Variants in CCDC13 observed in about 807,000 individuals in gnomAD.
The protein encoded by CCDC13 is coiled-coil domain containing 13, also known as coiled-coil domain-containing protein 13.
In CCDC13, 70 loss-of-function variants were observed where a neutral mutation model predicts 87.3. That is an observed-to-expected ratio of 0.80 (90% CI 0.66 to 0.98). The LOEUF is 0.98. Among genes scored for constraint, CCDC13 ranks in the 50% least tolerant of loss-of-function variants. CCDC13 has a pLI of 0.00. For synonymous variants in CCDC13, 317 were observed against 360.3 expected, an observed-to-expected ratio of 0.88 and a Z score of 1.36; for missense variants, 842 against 892.0, an observed-to-expected ratio of 0.94 and a Z score of 0.71.
In CCDC13 at chr3:42,706,735, T is replaced by C. The variant is rs1394491843; in HGVS notation, c.*2245A>G. The C allele has an allele frequency of 6.6e-6, 1 of 152,264 alleles. No homozygotes were observed. The highest frequency in any genetic ancestry group is 2.4e-5 in the African/African-American group (1 of 41,468). The allele number at this position is 152,264 out of a possible 1,614,324, so 9.4% of individuals were successfully genotyped here. A position where few individuals can be genotyped will look rare whatever the true frequency, so the allele number is the denominator to read the frequency against. On this transcript the variant is annotated 3_prime_UTR_variant, in exon 16 of 16. Transcript: ENST00000310232. Reference sequence around the variant, plus strand: ...ACTCTTGTTGAAATCAGTCTATAGATACATGTTCCTTGTACAGAAATAAAC... The same window carrying C: ...ACTCTTGTTGAAATCAGTCTATAGACACATGTTCCTTGTACAGAAATAAAC...
chr3:42,728,112 G>C (rs1217996232), intron 13 of CCDC13, among the ~76,000 whole-genome samples: 1 of 152,250 alleles, frequency 6.6e-6, no homozygotes, highest in Non-Finnish European at 1.5e-5. Flanking sequence ...TTGATAAAAT[G>C]TAAGAAAGAA....
intron 1 of CCDC13, among the ~76,000 whole-genome samples, chr3:42,759,779 T>G (rs1029333439): frequency 6.6e-6 from 1 of 152,224 alleles, no homozygotes; most frequent in African/African-American, 2.4e-5. Context: ...AAGGTATTTG[T>G]GTGAATGTAT....
At chr3:42,719,184 C>T (rs1698500391) in intron 13 of CCDC13, 1 of 152,192 alleles carries the variant, frequency 6.6e-6, no homozygotes, top group African/African-American at 2.4e-5. Flanking sequence ...CAAGATTAGG[C>T]ACGTACAGGA....
At chr3:42,705,753 C>T (rs1267662645), downstream of CCDC13, among the ~76,000 whole-genome samples, 3 of 152,200 alleles carry the variant, frequency 2.0e-5, no homozygotes, top group East Asian at 5.8e-4. Flanking sequence ...CTGGTACTAA[C>T]CTGGACAGAC....
chr3:42,733,399 A>G, intron 11 of CCDC13, 71 bp downstream of exon 11: 3 of 1,575,684 alleles, frequency 1.9e-6, no homozygotes, highest in Non-Finnish European at 2.6e-6. Context: ...CATCAGAGGT[A>G]GCAAGAAACA....
intron 3 of CCDC13, among the ~76,000 whole-genome samples, chr3:42,753,723 A>G (rs1699641194): frequency 6.6e-6 from 1 of 152,154 alleles, no homozygotes; most frequent in South Asian, 2.1e-4. Context: ...GAATGAACTG[A>G]GGGCTCAAAC....
At chr3:42,758,821 C>T (rs1699766923) in intron 1 of CCDC13, among the ~76,000 whole-genome samples, 1 of 152,112 alleles carries the variant, frequency 6.6e-6, no homozygotes, top group African/African-American at 2.4e-5. Context: ...GACCATACGG[C>T]TCAGTGAATC....
chr3:42,730,673 G>C, intron 12 of CCDC13, 84 bp from the exon 13 acceptor site: 1 of 1,553,602 alleles, frequency 6.4e-7, no homozygotes, highest in Non-Finnish European at 8.8e-7. Flanking sequence ...GGAGGGACTA[G>C]AAGGACATTC....
At chr3:42,767,582 T>C (rs996056854) in intron 1 of CCDC13, among the ~76,000 whole-genome samples, 2 of 152,120 alleles carry the variant, frequency 1.3e-5, no homozygotes, top group African/African-American at 4.8e-5. Context: ...TATCGACAAA[T>C]TGATTCCAAA....
At chr3:42,710,743 G>T (rs904393533) in intron 14 of CCDC13, among the ~76,000 whole-genome samples, 4 of 152,202 alleles carry the variant, frequency 2.6e-5, no homozygotes, top group African/African-American at 4.8e-5. Flanking sequence ...CTGTCTCATT[G>T]CTGGGGAGGC....
rs545829821 is a variant in CCDC13 at position 42,748,559 on chromosome 3, G to A, written c.604-1186C>T. On this transcript the variant is annotated intron_variant, in intron 5 of 15. Coordinates refer to ENST00000310232, the MANE Select transcript of CCDC13 (RefSeq NM_144719.4). ...AACAAAATCTCCTCTGAATGCTAGTGTGAAAGACAGATCCAAGTATACTGG... is the reference window on the plus strand; with the variant it reads ...AACAAAATCTCCTCTGAATGCTAGTATGAAAGACAGATCCAAGTATACTGG... Among the ~76,000 whole-genome samples, 325 of 152,350 alleles carry A rather than the reference G, an allele frequency of 2.1e-3. 1 individual carries two copies. The highest frequency in any genetic ancestry group is 3.4e-3 in the Middle Eastern group (1 of 294).
At chr3:42,772,337 A>G (rs1038604584) in intron 1 of CCDC13, among the ~76,000 whole-genome samples, 1 of 151,578 alleles carries the variant, frequency 6.6e-6, no homozygotes, top group African/African-American at 2.4e-5. Flanking sequence ...CATGGAAAGA[A>G]CTCTTGGCTC....
At chr3:42,728,196 T>C (rs339686) in intron 13 of CCDC13, among the ~76,000 whole-genome samples, 123,371 of 152,202 alleles carry the variant, frequency 0.81, 50,534 homozygotes, top group East Asian at 1. Flanking sequence ...GACTTGAGCT[T>C]GGCTCGCCCT....
chr3:42,722,963 A>G (rs1002054537), intron 13 of CCDC13, among the ~76,000 whole-genome samples: 2 of 151,168 alleles, frequency 1.3e-5, no homozygotes, highest in Non-Finnish European at 2.9e-5. Context: ...CGCCCAGCTA[A>G]TTTTCTTGTA....
chr3:42,720,325 T>G (rs57865869), intron 13 of CCDC13, among the ~76,000 whole-genome samples: 1,657 of 152,342 alleles, frequency 0.011, 33 homozygotes, highest in African/African-American at 0.038. Context: ...AAATGCCTCG[T>G]AAAATGCCAT....
chr3:42,738,749 G>A (rs1699112139), intron 9 of CCDC13, among the ~76,000 whole-genome samples: 1 of 152,186 alleles, frequency 6.6e-6, no homozygotes, highest in South Asian at 2.1e-4. Context: ...TGGGATTTTT[G>A]CACATTGATT....
chr3:42,751,572 G>T (rs1699579503), intron 5 of CCDC13, among the ~76,000 whole-genome samples: 1 of 152,236 alleles, frequency 6.6e-6, no homozygotes, highest in African/African-American at 2.4e-5. Context: ...TGAGGATGCT[G>T]TACAGGAGAT....
At position 42,769,840 on chromosome 3, in the gene CCDC13, A is replaced by C. The variant is rs535321221; in HGVS notation, c.-7+3336T>G. 7.2e-4 allele frequency among the ~76,000 whole-genome samples: 109 copies of C among 152,304 alleles called. 1 individual carries two copies. The highest frequency in any genetic ancestry group is 6.8e-3 in the Middle Eastern group (2 of 294). On this transcript the variant is annotated intron_variant, in intron 1 of 15. Coordinates refer to ENST00000310232, the MANE Select transcript of CCDC13 (RefSeq NM_144719.4). ...TGGCCGCAAGCCCCTGGCAGTGAGG[A>C]GCTTAGCACCTGGGCCAGCAGCTGC...
rs533878041 is a variant in CCDC13, at chr3:42,709,559, A to T, written c.1988+125T>A. On this transcript the variant is annotated intron_variant, in intron 15 of 15. Coordinates refer to ENST00000310232, the MANE Select transcript of CCDC13 (RefSeq NM_144719.4). The stretch of plus-strand genomic sequence containing the variant: ...AATTGCAGGCCTAGAACCCAGGACC[A>T]AACAGGACAAGCCTTCTGGGCAAAT... The T allele has an allele frequency of 4.3e-5, 34 of 796,872 alleles. 1 individual carries two copies. In the South Asian group the frequency reaches 5.3e-4, roughly 13 times the overall value. The allele number at this position is 796,872 out of a possible 1,614,324, so 49.4% of individuals were successfully genotyped here. A position where few individuals can be genotyped will look rare whatever the true frequency, so the allele number is the denominator to read the frequency against.
Sources: allele counts gnomAD v4.1 joint callset (sites outside exome capture counted in the v4.1 genomes callset), GRCh38; gene constraint gnomAD v4.1.1; transcripts MANE v1.5; gene names NCBI Gene and HGNC (gene_info 2026-07-23, HGNC 2026-07-21).